The following MRPL35 variants were observed in gnomAD, a reference collection of about 807,000 sequenced individuals.
MRPL35 encodes the protein mitochondrial ribosomal protein L35.
MRPL35 carries 18 observed loss-of-function variants against 21.6 expected under a neutral mutation model. The observed-to-expected ratio is 0.83, with a 90% confidence interval of 0.58 to 1.24. The LOEUF (loss-of-function observed/expected upper bound fraction) is 1.24. MRPL35 is among the 50% of genes most tolerant of loss of function. MRPL35 has a pLI of 0.00. For missense variants in MRPL35, 223 were observed against 223.2 expected (o/e 1.00, Z 0.01); for synonymous variants, 87 against 86.9 (o/e 1.00, Z -0.01).
In MRPL35 at chr2:86,199,536, C is replaced by G. The variant is rs776325297; in HGVS notation, c.43+3C>G. ...TGGTGCAGTGAGAGCAGCTTCAGGT[C>G]AGTGGAGAGCGACATACTCCATGCA... On this transcript the variant is annotated splice_donor_region_variant and intron_variant, in intron 1 of 3. Coordinates refer to ENST00000337109, the MANE Select transcript of MRPL35 (RefSeq NM_016622.4). The G allele has an allele frequency of 1.9e-6, 3 of 1,614,024 alleles. No individual in the cohort carries two copies. Among genetic ancestry groups the G allele is most frequent in the Admixed American group, 1.7e-5 (1 of 60,014 alleles).
At chr2:86,207,061 T>G (rs1393147734) in intron 2 of MRPL35, 122 bp from the exon 3 acceptor site, 4 of 942,146 alleles carry the variant, frequency 4.2e-6, no homozygotes, top group Non-Finnish European at 6.3e-6. Flanking sequence ...GAAGTAATAT[T>G]GTATATGAAA....
rs751153689 is a variant in MRPL35 at position 86,207,340 on chromosome 2, A to G, written c.378+13A>G. 1.9e-6 allele frequency: 3 copies of G among 1,603,704 alleles called. No individual in the cohort carries two copies. The highest frequency in any genetic ancestry group is 4.5e-5 in the East Asian group (2 of 44,672). On this transcript the variant is annotated intron_variant, in intron 3 of 3. Transcript: ENST00000337109. ...GGTGAGGAGAAAGGTGAGTCTTCACACTGTTACTAAATTGAAAAAGGAATG... is the reference window on the plus strand; with the variant it reads ...GGTGAGGAGAAAGGTGAGTCTTCACGCTGTTACTAAATTGAAAAAGGAATG...
chr2:86,207,620 C>T (rs1025952329), intron 3 of MRPL35, among the ~76,000 whole-genome samples: 6 of 152,078 alleles, frequency 3.9e-5, no homozygotes, highest in Non-Finnish European at 7.4e-5. Context: ...GGCGACAGAG[C>T]GAGACTCCGT....
chr2:86,204,357 C>T (rs1212155968), intron 1 of MRPL35, among the ~76,000 whole-genome samples: 5 of 150,132 alleles, frequency 3.3e-5, no homozygotes, highest in Non-Finnish European at 5.9e-5. Context: ...ATGTGTACAG[C>T]TTTATGTTTT....
At position 86,212,746 on chromosome 2, in the gene MRPL35, T is replaced by C; in HGVS notation, c.*2078T>C. The C allele has an allele frequency of 2.6e-6, 3 of 1,146,162 alleles. No homozygotes were observed. Among genetic ancestry groups the C allele is most frequent in the Non-Finnish European group, 3.2e-6 (3 of 933,862 alleles). 71.0% of individuals were successfully genotyped at this position (1,146,162 alleles called of 1,614,324 possible). ...CACATAACTTACGGGAAAGGGAATTTCATACATACGATTTTTGTTTTGTGG... is the reference window on the plus strand; with the variant it reads ...CACATAACTTACGGGAAAGGGAATTCCATACATACGATTTTTGTTTTGTGG... On this transcript the variant is annotated 3_prime_UTR_variant, in exon 4 of 4. Transcript: ENST00000337109.
intron 1 of MRPL35, among the ~76,000 whole-genome samples, chr2:86,203,062 C>T (rs1339804502): frequency 6.6e-6 from 1 of 150,528 alleles, no homozygotes; most frequent in African/African-American, 2.4e-5. Flanking sequence ...ACCAACATGA[C>T]ACCACAAGTG....
Position 86,211,748 on chromosome 2 carries a change from G to T in MRPL35, c.*1080G>T. ...AGTGGTGCAATCATAGCTCATTGAA[G>T]CCTCGCACTCCTGGGCTCAAGTGGT... On this transcript the variant is annotated 3_prime_UTR_variant, in exon 4 of 4. Transcript: ENST00000337109. 1 of 982,906 alleles carries T rather than the reference G, an allele frequency of 1.0e-6. No homozygotes were observed. Among genetic ancestry groups the T allele is most frequent in the African/African-American group, 1.7e-5 (1 of 57,280 alleles). The allele number at this position is 982,906 out of a possible 1,614,324, so 60.9% of individuals were successfully genotyped here.
In MRPL35 at chr2:86,206,309, C is replaced by G. The variant is rs752757992; in HGVS notation, c.233+14C>G. ...GATCCTTAATAGGTAGAGTATATTTCTTTGTGGGGTTTTTTTTGTTTTTTG... is the reference window on the plus strand; with the variant it reads ...GATCCTTAATAGGTAGAGTATATTTGTTTGTGGGGTTTTTTTTGTTTTTTG... On this transcript the variant is annotated intron_variant, in intron 2 of 3. Coordinates refer to ENST00000337109, the MANE Select transcript of MRPL35 (RefSeq NM_016622.4). 6.4e-7 allele frequency: 1 copy of G among 1,572,164 alleles called. No individual in the cohort carries two copies. The highest frequency in any genetic ancestry group is 1.4e-5 in the African/African-American group (1 of 72,354).
At chr2:86,199,724 G>T (rs920158636) in intron 1 of MRPL35, among the ~76,000 whole-genome samples, 191 bp downstream of exon 1, 1 of 152,180 alleles carries the variant, frequency 6.6e-6, no homozygotes, top group Non-Finnish European at 1.5e-5. Context: ...GGACTCACGC[G>T]GGCCTGTGTG....
In MRPL35 at chr2:86,207,087, A is replaced by G; in HGVS notation, c.234-96A>G. ...GTATATGAAAAGTTAGTTCCAGTCC[A>G]TTGGAGCAGCTTTACTCATTTCTCA... On this transcript the variant is annotated intron_variant, in intron 2 of 3. Coordinates refer to ENST00000337109, the MANE Select transcript of MRPL35 (RefSeq NM_016622.4). The G allele has an allele frequency of 2.4e-6, 3 of 1,252,670 alleles. No individual in the cohort carries two copies. The South Asian group carries it at 4.3e-5, about 18-fold the overall frequency. The allele number at this position is 1,252,670 out of a possible 1,614,324, so 77.6% of individuals were successfully genotyped here.
At position 86,210,662 on chromosome 2, in the gene MRPL35, A is replaced by C; in HGVS notation, c.561A>C (p.Lys187Asn). The C allele has an allele frequency of 6.2e-7, 1 of 1,605,778 alleles. No homozygotes were observed. The highest frequency in any genetic ancestry group is 8.5e-7 in the Non-Finnish European group (1 of 1,176,162). Reference sequence around the variant, plus strand: ...AGTATCATGATCGAACAAACCTGAAAGTATAGATCAGAAGTTTCACTTGTT... The same window carrying C: ...AGTATCATGATCGAACAAACCTGAACGTATAGATCAGAAGTTTCACTTGTT... ...YQKYHDRTNL[K>N]V The change falls in exon 4 of 4, where the codon AAA becomes AAC. Residue 187 changes from lysine (K) to asparagine (N), a missense_variant. Coordinates refer to ENST00000337109, the MANE Select transcript of MRPL35 (RefSeq NM_016622.4).
chr2:86,210,368 C>T, intron 3 of MRPL35, 112 bp from the exon 4 acceptor site: 1 of 632,500 alleles, frequency 1.6e-6, no homozygotes, highest in Non-Finnish European at 2.3e-6. Context: ...TAGTCCAGCC[C>T]CTATGGAAGT....
Position 86,211,888 on chromosome 2 carries a change from T to G in MRPL35, c.*1220T>G. 1.0e-6 allele frequency: 1 copy of G among 985,532 alleles called. No individual in the cohort carries two copies. The highest frequency in any genetic ancestry group is 1.2e-6 in the Non-Finnish European group (1 of 830,010). 61.0% of individuals were successfully genotyped at this position (985,532 alleles called of 1,614,324 possible). ...AACTTTTCCCACAAATTTTCAACAA[T>G]CATTGTAGAAACTAAGGGGGAGAAA... is the stretch of plus-strand genomic sequence containing the variant. On this transcript the variant is annotated 3_prime_UTR_variant, in exon 4 of 4. Coordinates refer to ENST00000337109, the MANE Select transcript of MRPL35 (RefSeq NM_016622.4).
intron 3 of MRPL35, among the ~76,000 whole-genome samples, chr2:86,208,745 G>A (rs372626212): frequency 9.9e-5 from 15 of 151,952 alleles, no homozygotes; most frequent in South Asian, 4.2e-4. Context: ...TAAAGGACCC[G>A]ATCATACTCT....
At chr2:86,206,318 GT>G (rs750136038) in intron 2 of MRPL35, 23 bp downstream of exon 2, 24 of 1,562,900 alleles carry the variant, frequency 1.5e-5, no homozygotes, top group South Asian at 2.4e-5. Context: ...TCTTTGTGGG[GT>G]TTTTTTTGTT....
chr2:86,207,246 A>G lies in MRPL35; in HGVS notation c.297A>G (p.Ala99=). The change falls in exon 3 of 4, where the codon GCA becomes GCG. Residue 99 remains alanine, a synonymous_variant. Coordinates refer to ENST00000337109, the MANE Select transcript of MRPL35 (RefSeq NM_016622.4). ...LPVRSLTYFS[A]RKGKRKTVKA... is the part of the protein sequence containing the mutation. ...TCAGATCTCTAACATACTTCAGTGCAAGAAAAGGCAAGAGAAAGACCGTGA... is the reference window on the plus strand; with the variant it reads ...TCAGATCTCTAACATACTTCAGTGCGAGAAAAGGCAAGAGAAAGACCGTGA... The G allele has an allele frequency of 6.2e-7, 1 of 1,614,128 alleles. No individual in the cohort carries two copies. Among genetic ancestry groups the G allele is most frequent in the Non-Finnish European group, 8.5e-7 (1 of 1,179,960 alleles).
At chr2:86,199,434 TTC>T, upstream of MRPL35, 1 of 1,606,124 alleles carries the variant, frequency 6.2e-7, no homozygotes, top group East Asian at 2.2e-5. Context: ...TTTCCCTTCA[TTC>T]TCTTTTGCTC....
chr2:86,204,320 T>C (rs1253613619), intron 1 of MRPL35, among the ~76,000 whole-genome samples: 1 of 152,070 alleles, frequency 6.6e-6, no homozygotes, highest in Non-Finnish European at 1.5e-5. Flanking sequence ...TGAGGTAGAA[T>C]TTACATGCCA....
rs539244771 is a variant in MRPL35, at chr2:86,199,563, G to T, written c.43+30G>T. On this transcript the variant is annotated intron_variant, in intron 1 of 3. Transcript: ENST00000337109. Reference sequence around the variant, plus strand: ...GTGGAGAGCGACATACTCCATGCATGCCTTCACAGAAGGGGAAACTGGTGC... The same window carrying T: ...GTGGAGAGCGACATACTCCATGCATTCCTTCACAGAAGGGGAAACTGGTGC... 3.1e-6 allele frequency: 5 copies of T among 1,613,552 alleles called. No homozygotes were observed. In the Admixed American group the frequency reaches 6.7e-5, roughly 22 times the overall value.
Sources: allele counts gnomAD v4.1 joint callset (sites outside exome capture counted in the v4.1 genomes callset), GRCh38; gene constraint gnomAD v4.1.1; transcripts MANE v1.5; gene names NCBI Gene and HGNC (gene_info 2026-07-23, HGNC 2026-07-21).